Variants in ISX observed in about 807,000 individuals in gnomAD.
ISX encodes intestine-specific homeobox.
Under a neutral mutation model 16.9 loss-of-function variants are expected in ISX, and 15 were observed. That is an observed-to-expected ratio of 0.89 (90% CI 0.59 to 1.36). The LOEUF (loss-of-function observed/expected upper bound fraction) is 1.36. Among genes scored for constraint, ISX ranks in the 40% most tolerant of loss-of-function variants. The pLI is 0.00. For synonymous variants in ISX, 125 were observed against 119.7 expected (o/e 1.04, Z -0.29); for missense variants, 316 against 306.1 (o/e 1.03, Z -0.24).
chr22:35,075,665 T>C (rs1034139902), intron 2 of ISX, among the ~76,000 whole-genome samples: 6 of 152,142 alleles, frequency 3.9e-5, no homozygotes, highest in Non-Finnish European at 8.8e-5. Context: ...TGTGGGTGTG[T>C]GGTGGGGGGA....
intron 2 of ISX, among the ~76,000 whole-genome samples, chr22:35,077,427 G>T (rs895346615): frequency 6.6e-6 from 1 of 152,004 alleles, no homozygotes; most frequent in African/African-American, 2.4e-5. Context: ...TTCCTGAGCT[G>T]CCCCCTTGGA....
chr22:35,072,361 A>C (rs1928876916), intron 2 of ISX, among the ~76,000 whole-genome samples: 1 of 152,260 alleles, frequency 6.6e-6, no homozygotes, highest in Non-Finnish European at 1.5e-5. Context: ...GGGACATGCA[A>C]GGAAGTAGTG....
rs746399878 is a variant in ISX at position 35,082,673 on chromosome 22, C to G, written c.381+4C>G. ...CCTCCCAGAAGCTCGGGTGCAGGTA[C>G]AGCCATCCCTACCTCAGCCCCCAGC... On this transcript the variant is annotated splice_donor_region_variant and intron_variant, in intron 3 of 4. Transcript: ENST00000404699. The G allele has an allele frequency of 6.2e-7, 1 of 1,613,960 alleles. No homozygotes were observed. The highest frequency in any genetic ancestry group is 8.5e-7 in the Non-Finnish European group (1 of 1,179,968).
chr22:35,075,090 A>C (rs566519238), intron 2 of ISX, among the ~76,000 whole-genome samples: 3 of 152,332 alleles, frequency 2.0e-5, no homozygotes, highest in Non-Finnish European at 4.4e-5. Context: ...AACCTAACAA[A>C]GTGCTTTAGA....
Position 35,067,268 on chromosome 22 carries a change from G to A in ISX, c.181G>A (p.Ala61Thr), listed in dbSNP as rs749529646. ...AGGTGAAGAGGGCCCCGGAGAAGCT[G>A]CGGCCTCAGGCTCTGGGCTAGAAAA... ...GPGEEGPGEA[A>T]ASGSGLEKPP... The change falls in exon 2 of 5, where the codon GCG (alanine) becomes ACG (threonine). Residue 61 changes from alanine (A) to threonine (T), a missense_variant. Coordinates refer to ENST00000404699, the MANE Select transcript of ISX (RefSeq NM_001303508.2). 1 of 1,596,420 alleles carries A rather than the reference G, an allele frequency of 6.3e-7. No homozygotes were observed. The highest frequency in any genetic ancestry group is 2.3e-5 in the East Asian group (1 of 43,950).
intron 2 of ISX, among the ~76,000 whole-genome samples, chr22:35,080,940 C>T (rs1929110050): frequency 6.6e-6 from 1 of 152,218 alleles, no homozygotes; most frequent in Non-Finnish European, 1.5e-5. Context: ...CCTTATCTCA[C>T]CATATGATGA....
Position 35,085,612 on chromosome 22 carries a change from C to T in ISX, c.657C>T (p.Ile219=), listed in dbSNP as rs760339174. ...WETQPVPGLP[I]HQTCIPVLCI... is the part of the protein sequence containing the mutation. ...CACAGCCTGTCCCAGGTCTTCCCAT[C>T]CATCAAACTTGCATCCCTGTGCTAT... The change falls in exon 5 of 5, where the codon ATC becomes ATT. Residue 219 remains isoleucine (I), a synonymous_variant. Transcript: ENST00000404699. 5 of 1,614,136 alleles carry T rather than the reference C, an allele frequency of 3.1e-6. No individual in the cohort carries two copies. In the South Asian group the frequency reaches 3.3e-5, roughly 11 times the overall value.
At chr22:35,069,253 A>T (rs1601555578) in intron 2 of ISX, among the ~76,000 whole-genome samples, 1 of 152,364 alleles carries the variant, frequency 6.6e-6, no homozygotes, top group Middle Eastern at 3.4e-3. Context: ...CTAAACAAAT[A>T]ATACAGATGG....
At chr22:35,083,041 T>C (rs1273653282) in intron 3 of ISX, among the ~76,000 whole-genome samples, 2 of 152,196 alleles carry the variant, frequency 1.3e-5, no homozygotes, top group Admixed American at 6.5e-5. Context: ...ATGGTAATGA[T>C]ATTAGGCTTT....
At chr22:35,078,494 T>C (rs1224919142) in intron 2 of ISX, among the ~76,000 whole-genome samples, 1 of 152,028 alleles carries the variant, frequency 6.6e-6, no homozygotes, top group Non-Finnish European at 1.5e-5. Context: ...AAAAAGGCAG[T>C]GTGGACTTAG....
intron 2 of ISX, among the ~76,000 whole-genome samples, chr22:35,079,033 C>T (rs554599714): frequency 5.9e-5 from 9 of 152,330 alleles, no homozygotes; most frequent in African/African-American, 2.2e-4. Flanking sequence ...AGGAACACAG[C>T]TTGGATTTTC....
intron 2 of ISX, among the ~76,000 whole-genome samples, chr22:35,070,885 A>G: frequency 6.6e-6 from 1 of 152,250 alleles, no homozygotes; most frequent in East Asian, 1.9e-4. Context: ...TTTGATGGTC[A>G]GATGGTCTCT....
intron 2 of ISX, among the ~76,000 whole-genome samples, chr22:35,072,684 T>C (rs1433976227): frequency 6.6e-6 from 1 of 152,196 alleles, no homozygotes; most frequent in Non-Finnish European, 1.5e-5. Flanking sequence ...GTTTGATTTA[T>C]CCACTGTATT....
At chr22:35,069,198 A>G (rs1310382552) in intron 2 of ISX, among the ~76,000 whole-genome samples, 1 of 152,268 alleles carries the variant, frequency 6.6e-6, no homozygotes, top group East Asian at 1.9e-4. Context: ...ATTTTAAAAT[A>G]CATTTATTAT....
In ISX at chr22:35,085,278, AG is replaced by A. The variant is rs576154391; in HGVS notation, c.499-174del. On this transcript the variant is annotated intron_variant, in intron 4 of 4. Coordinates refer to ENST00000404699, the MANE Select transcript of ISX (RefSeq NM_001303508.2). ...CCCCACCTACAGTAACCAACCATCC[AG>A]GTTTGCATGGGTCCACACAGGACTT... is the stretch of plus-strand genomic sequence containing the variant. Among the ~76,000 whole-genome samples the A allele has an allele frequency of 9.8e-5, 15 of 152,324 alleles. No individual in the cohort carries two copies. In the South Asian group the frequency reaches 3.1e-3, roughly 32 times the overall value.
At chr22:35,076,244 C>T (rs1295125074) in intron 2 of ISX, among the ~76,000 whole-genome samples, 1 of 152,056 alleles carries the variant, frequency 6.6e-6, no homozygotes, top group African/African-American at 2.4e-5. Flanking sequence ...ACTCAGGAAG[C>T]GCAGAACAAG....
At position 35,086,837 on chromosome 22, in the gene ISX, C is replaced by T. The variant is rs1480832772; in HGVS notation, c.*1144C>T. 1.3e-5 allele frequency: 2 copies of T among 152,244 alleles called. No homozygotes were observed. The highest frequency in any genetic ancestry group is 2.9e-5 in the Non-Finnish European group (2 of 68,048). The allele number at this position is 152,244 out of a possible 1,614,324, so 9.4% of individuals were successfully genotyped here. A position where few individuals can be genotyped will look rare whatever the true frequency, so the allele number is the denominator to read the frequency against. On this transcript the variant is annotated 3_prime_UTR_variant, in exon 5 of 5. Transcript: ENST00000404699. ...GAGCATCCCTTCTGCACAGATGTCTCTGATTCTTGTCCTTGCAGGTGGAGG... is the reference window on the plus strand; with the variant it reads ...GAGCATCCCTTCTGCACAGATGTCTTTGATTCTTGTCCTTGCAGGTGGAGG...
rs550457768 is a variant in ISX at position 35,078,823 on chromosome 22, G to A, written c.230-3695G>A. Among the ~76,000 whole-genome samples, 22 of 152,336 alleles carry A rather than the reference G, an allele frequency of 1.4e-4. No homozygotes were observed. In the East Asian group the frequency reaches 1.9e-3, roughly 13 times the overall value. On this transcript the variant is annotated intron_variant, in intron 2 of 4. Transcript: ENST00000404699. ...GCCCTGTCCCTTTCACCAAGTAAAC[G>A]CGTTCTGCAGGCAAGCCTGCGGTGA...
intron 4 of ISX, 105 bp from the exon 5 acceptor site, chr22:35,085,349 A>T (rs1929225672): frequency 7.3e-7 from 1 of 1,366,764 alleles, no homozygotes; most frequent in Non-Finnish European, 1.0e-6. Context: ...GAACAAGTGG[A>T]TCACACTACC....
Sources: gnomAD v4.1 joint callset for allele counts (sites outside exome capture counted in the v4.1 genomes callset) on GRCh38, gnomAD v4.1.1 for gene constraint, MANE v1.5 for transcripts, NCBI Gene and HGNC (gene_info 2026-07-23, HGNC 2026-07-21) for gene names.